The following DPYD variants were observed in gnomAD, a reference collection of about 807,000 sequenced individuals.
DPYD encodes the protein dihydropyrimidine dehydrogenase, also known as dihydropyrimidine dehydrogenase [NADP(+)].
Under a neutral mutation model 116.2 loss-of-function variants are expected in DPYD, and 109 were observed. The observed-to-expected ratio is 0.94, with a 90% CI of 0.80 to 1.10. The LOEUF (loss-of-function observed/expected upper bound fraction) is 1.10. Ranked by LOEUF, DPYD falls within the 50% of genes least tolerant of loss-of-function variation. The probability of loss-of-function intolerance (pLI) is 0.00; values close to 1 mark genes in which losing one functional copy is unlikely to be tolerated. For missense variants in DPYD, 1,302 were observed against 1,254.5 expected (o/e 1.04, Z -0.57); for synonymous variants, 440 against 432.0 (o/e 1.02, Z -0.23).
At chr1:97,202,874 G>C (rs1351269050) in intron 19 of DPYD, among the ~76,000 whole-genome samples, 1 of 152,122 alleles carries the variant, frequency 6.6e-6, no homozygotes, top group African/African-American at 2.4e-5. Flanking sequence ...AGATAAAATG[G>C]GTGAGACAGG....
chr1:97,430,867 G>T (rs909311728), intron 14 of DPYD, among the ~76,000 whole-genome samples: 33 of 151,756 alleles, frequency 2.2e-4, no homozygotes, highest in Non-Finnish European at 4.4e-4. Flanking sequence ...ATATCAATTT[G>T]TAAACATTGC....
At chr1:97,822,895 T>C (rs1425257764) in intron 3 of DPYD, among the ~76,000 whole-genome samples, 1 of 152,232 alleles carries the variant, frequency 6.6e-6, no homozygotes, top group Non-Finnish European at 1.5e-5. Context: ...TTGCCAATTA[T>C]CTACTGAGTT....
intron 20 of DPYD, among the ~76,000 whole-genome samples, chr1:97,171,677 C>T (rs74731918): frequency 0.02 from 3,056 of 152,180 alleles, 137 homozygotes; most frequent in Admixed American, 0.11. Flanking sequence ...GTAGATAACA[C>T]AAAAAGCCCT....
chr1:97,323,554 TATGTGTATATATACACGTATATATA>T (rs1668508788), intron 16 of DPYD, among the ~76,000 whole-genome samples: 8 of 112,146 alleles, frequency 7.1e-5, no homozygotes, highest in African/African-American at 2.7e-4. Context: ...TATATACATA[TATGTGTATATATACACGTATATATA>T]CATATCATAT....
intron 19 of DPYD, among the ~76,000 whole-genome samples, chr1:97,196,273 T>C (rs1658801757): frequency 1.3e-5 from 2 of 151,588 alleles, no homozygotes; most frequent in Non-Finnish European, 2.9e-5. Flanking sequence ...GTAATTGTTT[T>C]TGGTATTTAT....
chr1:97,179,921 A>T (rs950351074), intron 20 of DPYD, among the ~76,000 whole-genome samples: 7 of 152,244 alleles, frequency 4.6e-5, no homozygotes, highest in African/African-American at 1.7e-4. Context: ...GTTTCTAAGA[A>T]GAAAAGGAAA....
intron 20 of DPYD, among the ~76,000 whole-genome samples, chr1:97,130,573 A>G (rs1040240731): frequency 1.3e-5 from 2 of 152,250 alleles, no homozygotes; most frequent in African/African-American, 4.8e-5. Flanking sequence ...ACATACACAT[A>G]GATACTAACT....
rs559299316 is a variant in DPYD, at chr1:97,567,102, TAGC to T, written c.1339+6655_1339+6657del. ...TTGAATTTTTGCATCGTAAGAATCT[TAGC>T]AGGCCATTTCTTGCCTAACTGGCAA... On this transcript the variant is annotated intron_variant, in intron 11 of 22. Transcript: ENST00000370192. Among the ~76,000 whole-genome samples the T allele has an allele frequency of 2.4e-3, 370 of 152,240 alleles. 1 individual carries two copies. Among genetic ancestry groups the T allele is most frequent in the African/African-American group, 8.7e-3 (361 of 41,550 alleles).
chr1:97,686,636 C>CAAAAAA (rs1159274157), intron 7 of DPYD, among the ~76,000 whole-genome samples: 1 of 10,050 alleles, frequency 1.0e-4, no homozygotes, highest in African/African-American at 3.4e-4. Context: ...GACTCTGTCT[C>CAAAAAA]AAAAAAAAAA....
chr1:97,282,820 G>C (rs1461530834), intron 18 of DPYD, among the ~76,000 whole-genome samples: 1 of 152,050 alleles, frequency 6.6e-6, no homozygotes, highest in Non-Finnish European at 1.5e-5. Flanking sequence ...AACGGTATTT[G>C]GTTTTCTGCT....
chr1:97,300,247 T>C (rs1052891735), intron 18 of DPYD, among the ~76,000 whole-genome samples: 2 of 152,132 alleles, frequency 1.3e-5, no homozygotes, highest in East Asian at 1.9e-4. Context: ...CTTTTAATTA[T>C]TCTTTTTGCA....
At chr1:97,702,505 T>C (rs1045560953) in intron 5 of DPYD, among the ~76,000 whole-genome samples, 2 of 151,908 alleles carry the variant, frequency 1.3e-5, no homozygotes, top group East Asian at 1.9e-4. Flanking sequence ...CAAATAACAT[T>C]GTGTTTTAAC....
At chr1:97,182,043 C>T (rs756584570) in intron 20 of DPYD, among the ~76,000 whole-genome samples, 1 of 152,078 alleles carries the variant, frequency 6.6e-6, no homozygotes, top group Admixed American at 6.6e-5. Flanking sequence ...GGCATCATGC[C>T]TGGATTTAAA....
intron 16 of DPYD, among the ~76,000 whole-genome samples, chr1:97,344,651 C>T (rs1406729249): frequency 1.3e-5 from 2 of 151,488 alleles, no homozygotes; most frequent in East Asian, 3.9e-4. Flanking sequence ...TACTTTTTCC[C>T]TTTCATTAAG....
At chr1:97,885,714 G>A (rs913810656) in intron 1 of DPYD, among the ~76,000 whole-genome samples, 2 of 152,010 alleles carry the variant, frequency 1.3e-5, no homozygotes, top group Non-Finnish European at 2.9e-5. Flanking sequence ...TAAGTAACCT[G>A]CTTAAGATCT....
chr1:97,275,136 G>A (rs1354291309), intron 18 of DPYD, among the ~76,000 whole-genome samples: 1 of 152,116 alleles, frequency 6.6e-6, no homozygotes, highest in Non-Finnish European at 1.5e-5. Flanking sequence ...TTATGGCCTG[G>A]GGCAGTGGCA....
At chr1:97,580,732 T>C (rs1296884046) in intron 10 of DPYD, among the ~76,000 whole-genome samples, 1 of 152,108 alleles carries the variant, frequency 6.6e-6, no homozygotes, top group Admixed American at 6.6e-5. Flanking sequence ...CTTCAATATC[T>C]CATCAGGTAC....
chr1:97,253,813 A>G (rs1381338228), intron 18 of DPYD, among the ~76,000 whole-genome samples: 1 of 152,148 alleles, frequency 6.6e-6, no homozygotes, highest in Non-Finnish European at 1.5e-5. Context: ...TTTCCCCTAT[A>G]TAACACTTGG....
intron 15 of DPYD, among the ~76,000 whole-genome samples, chr1:97,377,888 G>C (rs1199621574): frequency 2.6e-5 from 4 of 152,174 alleles, no homozygotes; most frequent in African/African-American, 9.7e-5. Context: ...GGTATATCAC[G>C]GTCCAAGTGG....
Sources: gnomAD v4.1 joint callset for allele counts (sites outside exome capture counted in the v4.1 genomes callset) on GRCh38, gnomAD v4.1.1 for gene constraint, MANE v1.5 for transcripts, NCBI Gene and HGNC (gene_info 2026-07-23, HGNC 2026-07-21) for gene names.